Variants in RABGAP1L observed in about 807,000 individuals in gnomAD.
The protein encoded by RABGAP1L is RAB GTPase activating protein 1 like, also known as rab GTPase-activating protein 1-like.
RABGAP1L carries 63 observed loss-of-function variants against 137.7 expected under a neutral mutation model. The observed-to-expected ratio is 0.46, with a 90% CI of 0.37 to 0.56. RABGAP1L has a LOEUF of 0.56. Ranked by LOEUF, RABGAP1L falls within the 20% of genes least tolerant of loss-of-function variation. The probability of loss-of-function intolerance (pLI) is 0.00; values close to 1 mark genes in which losing one functional copy is unlikely to be tolerated. For missense variants in RABGAP1L, 1,095 were observed against 1,244.0 expected (o/e 0.88, Z 1.80); for synonymous variants, 431 against 433.7 (o/e 0.99, Z 0.08).
At chr1:174,237,185 C>A (rs1343941925) in intron 4 of RABGAP1L, among the ~76,000 whole-genome samples, 1 of 150,760 alleles carries the variant, frequency 6.6e-6, no homozygotes, top group Non-Finnish European at 1.5e-5. Context: ...AGATGGGTTT[C>A]CTGAATACAG....
intron 18 of RABGAP1L, among the ~76,000 whole-genome samples, chr1:174,769,010 G>C (rs993086992): frequency 6.6e-6 from 1 of 151,960 alleles, no homozygotes; most frequent in Non-Finnish European, 1.5e-5. Context: ...TTCATTTCTG[G>C]ATTACTACTG....
chr1:174,354,542 A>C (rs1448422551), intron 11 of RABGAP1L, among the ~76,000 whole-genome samples: 1 of 152,186 alleles, frequency 6.6e-6, no homozygotes, highest in Non-Finnish European at 1.5e-5. Flanking sequence ...AGATATTCCT[A>C]AGTTACTGAA....
In RABGAP1L at chr1:174,436,340, C is replaced by T. The variant is rs145310936; in HGVS notation, c.1710+42195C>T. On this transcript the variant is annotated intron_variant, in intron 13 of 25. Transcript: ENST00000681986. ...TGTTGTTTCCTGACTTTTTAATGAT[C>T]GCCATTCTAACTGGTGTGAGATGGT... 7.9e-3 allele frequency among the ~76,000 whole-genome samples: 1,206 copies of T among 151,884 alleles called. 16 individuals carry two copies. Among genetic ancestry groups the T allele is most frequent in the African/African-American group, 0.028 (1,152 of 41,372 alleles).
chr1:174,514,355 A>G (rs1486042771), intron 13 of RABGAP1L, among the ~76,000 whole-genome samples: 1 of 151,878 alleles, frequency 6.6e-6, no homozygotes, highest in Admixed American at 6.6e-5. Context: ...GCCAGACTTT[A>G]AGGAGACAAG....
intron 15 of RABGAP1L, among the ~76,000 whole-genome samples, chr1:174,690,829 CTTT>C (rs572724291): frequency 8.6e-6 from 1 of 116,928 alleles, no homozygotes; most frequent in Admixed American, 9.2e-5. Context: ...CAGCATTCAT[CTTT>C]TTTTTTTTTT....
intron 1 of RABGAP1L, among the ~76,000 whole-genome samples, chr1:174,168,980 T>C (rs1433884693): frequency 6.6e-6 from 1 of 152,238 alleles, no homozygotes; most frequent in Non-Finnish European, 1.5e-5. Flanking sequence ...CCATTCTGTA[T>C]GTCCATGTGT....
At chr1:174,350,086 G>C (rs1373096887) in intron 11 of RABGAP1L, among the ~76,000 whole-genome samples, 1 of 137,720 alleles carries the variant, frequency 7.3e-6, no homozygotes, top group Non-Finnish European at 1.6e-5. Context: ...CTGGGCGGGG[G>C]GCTGACCCCC....
At chr1:174,943,791 C>T (rs922723103) in intron 19 of RABGAP1L, among the ~76,000 whole-genome samples, 1 of 151,940 alleles carries the variant, frequency 6.6e-6, no homozygotes, top group Non-Finnish European at 1.5e-5. Flanking sequence ...CGAGATCACG[C>T]CACTGCACTC....
chr1:174,849,692 T>C (rs1647911000), intron 19 of RABGAP1L: 3 of 434,522 alleles, frequency 6.9e-6, no homozygotes, highest in African/African-American at 4.1e-5. Flanking sequence ...TATTGCTTTC[T>C]TGTCTTCAGG....
At chr1:174,564,147 C>T (rs556528078) in intron 13 of RABGAP1L, among the ~76,000 whole-genome samples, 31 of 152,226 alleles carry the variant, frequency 2.0e-4, no homozygotes, top group Middle Eastern at 3.4e-3. Flanking sequence ...TCCCAAAACA[C>T]AAAGATGATT....
At chr1:174,366,778 GAAAA>G (rs71117562) in intron 11 of RABGAP1L, among the ~76,000 whole-genome samples, 1 of 94,760 alleles carries the variant, frequency 1.1e-5, no homozygotes, top group African/African-American at 3.2e-5. Flanking sequence ...CCGTCTCCAG[GAAAA>G]AAAAAAAAAA....
chr1:174,608,721 G>A (rs1670967304), intron 13 of RABGAP1L, among the ~76,000 whole-genome samples: 1 of 152,082 alleles, frequency 6.6e-6, no homozygotes, highest in South Asian at 2.1e-4. Flanking sequence ...TATTACAGAT[G>A]GATTTGAATG....
intron 13 of RABGAP1L, among the ~76,000 whole-genome samples, chr1:174,479,427 G>T (rs1658846662): frequency 6.6e-6 from 1 of 152,106 alleles, no homozygotes; most frequent in East Asian, 1.9e-4. Flanking sequence ...TGGGACTTTG[G>T]GACCCAGGAA....
intron 10 of RABGAP1L, among the ~76,000 whole-genome samples, chr1:174,290,189 C>T (rs1049361896): frequency 6.6e-6 from 1 of 152,160 alleles, no homozygotes; most frequent in Non-Finnish European, 1.5e-5. Flanking sequence ...GGAGCTGCTG[C>T]CTGGGCTCCT....
At chr1:174,913,250 A>G (rs974393903) in intron 19 of RABGAP1L, among the ~76,000 whole-genome samples, 1 of 152,162 alleles carries the variant, frequency 6.6e-6, no homozygotes, top group African/African-American at 2.4e-5. Flanking sequence ...TGCTAGGATT[A>G]CAGGTGTGAG....
At chr1:174,950,912 A>G (rs1458445439) in intron 19 of RABGAP1L, among the ~76,000 whole-genome samples, 1 of 152,210 alleles carries the variant, frequency 6.6e-6, no homozygotes, top group African/African-American at 2.4e-5. Flanking sequence ...ATTTGCATCC[A>G]TAAATTAATA....
At chr1:174,625,854 T>G (rs1015717708) in intron 13 of RABGAP1L, among the ~76,000 whole-genome samples, 2 of 152,188 alleles carry the variant, frequency 1.3e-5, no homozygotes, top group African/African-American at 4.8e-5. Flanking sequence ...GAAGCACTCT[T>G]TAAAAGTTTT....
intron 18 of RABGAP1L, among the ~76,000 whole-genome samples, chr1:174,788,586 A>G (rs1434009211): frequency 6.6e-6 from 1 of 152,204 alleles, no homozygotes; most frequent in Non-Finnish European, 1.5e-5. Context: ...GCCCTCTGCT[A>G]TTAGATTAAT....
chr1:174,441,694 A>C (rs1232483977), intron 13 of RABGAP1L, among the ~76,000 whole-genome samples: 2 of 152,128 alleles, frequency 1.3e-5, no homozygotes, highest in Non-Finnish European at 2.9e-5. Flanking sequence ...AGATCATGCT[A>C]TTGCACTCCT....
Sources: allele counts gnomAD v4.1 joint callset (sites outside exome capture counted in the v4.1 genomes callset), GRCh38; gene constraint gnomAD v4.1.1; transcripts MANE v1.5; gene names NCBI Gene and HGNC (gene_info 2026-07-23, HGNC 2026-07-21).